The following TENM3 variants were observed in gnomAD, a reference collection of about 807,000 sequenced individuals.
TENM3 encodes teneurin transmembrane protein 3.
TENM3 carries 63 observed loss-of-function variants against 255.1 expected under a neutral mutation model. The observed-to-expected ratio is 0.25, with a 90% CI of 0.20 to 0.30. The LOEUF is 0.30. Ranked by LOEUF, TENM3 falls within the 10% of genes least tolerant of loss-of-function variation. TENM3 has a pLI of 1.00. For missense variants in TENM3, 2,929 were observed against 3,461.1 expected (o/e 0.85, Z 3.86); for synonymous variants, 1,306 against 1,322.3 (o/e 0.99, Z 0.27).
chr4:181,630,967 A>C, the TENM3 span, among the ~76,000 whole-genome samples: 1 of 152,110 alleles, frequency 6.6e-6, no homozygotes, highest in Non-Finnish European at 1.5e-5. Context: ...ATTGGCTTAC[A>C]GTTTTGTGAA....
At chr4:182,254,658 A>G (rs1447244872) in intron 1 of TENM3, among the ~76,000 whole-genome samples, 1 of 152,178 alleles carries the variant, frequency 6.6e-6, no homozygotes, top group African/African-American at 2.4e-5. Context: ...AAACCTAGTA[A>G]GCTGGAGGAA....
chr4:181,943,878 CA>C, the TENM3 span, among the ~76,000 whole-genome samples: 1 of 152,158 alleles, frequency 6.6e-6, no homozygotes, highest in African/African-American at 2.4e-5. Flanking sequence ...GGATAACAAT[CA>C]TAGTAACTCA....
intron 1 of TENM3, among the ~76,000 whole-genome samples, chr4:182,218,804 T>G (rs1337950701): frequency 6.6e-6 from 1 of 152,224 alleles, no homozygotes; most frequent in Non-Finnish European, 1.5e-5. Flanking sequence ...AAAAGAATCA[T>G]GAAAATTTGA....
At chr4:181,869,714 T>C in the TENM3 span, among the ~76,000 whole-genome samples, 5 of 152,126 alleles carry the variant, frequency 3.3e-5, no homozygotes, top group African/African-American at 4.8e-5. Context: ...TGGAGTGCAC[T>C]GAGAATTTGC....
the TENM3 span, among the ~76,000 whole-genome samples, chr4:181,931,566 A>G: frequency 6.6e-6 from 1 of 152,240 alleles, no homozygotes; most frequent in Non-Finnish European, 1.5e-5. Flanking sequence ...GGAAGAATCA[A>G]TATCATGAAA....
the TENM3 span, among the ~76,000 whole-genome samples, chr4:181,713,986 T>C: frequency 1.3e-5 from 2 of 152,146 alleles, no homozygotes; most frequent in Non-Finnish European, 2.9e-5. Flanking sequence ...GCTACCTGCT[T>C]CATGACCTGC....
intron 3 of TENM3, among the ~76,000 whole-genome samples, chr4:182,499,522 T>A (rs1276978829): frequency 6.6e-6 from 1 of 152,096 alleles, no homozygotes; most frequent in Non-Finnish European, 1.5e-5. Flanking sequence ...GCTGGCAGTA[T>A]AAAGACAAAG....
chr4:182,100,360 G>T, the TENM3 span, among the ~76,000 whole-genome samples: 3 of 150,782 alleles, frequency 2.0e-5, no homozygotes, highest in African/African-American at 7.3e-5. Context: ...CCAGCACTTT[G>T]TGAGGCCAAG....
At chr4:182,769,317 C>T (rs1200086911) in intron 22 of TENM3, among the ~76,000 whole-genome samples, 1 of 152,082 alleles carries the variant, frequency 6.6e-6, no homozygotes, top group East Asian at 1.9e-4. Flanking sequence ...CTTTCACTCC[C>T]TTAGTCAGAG....
intron 3 of TENM3, 58 bp downstream of exon 3, chr4:182,346,987 T>G: frequency 3.5e-5 from 36 of 1,019,764 alleles, no homozygotes; most frequent in East Asian, 1.2e-4. Context: ...CTGTTTTGGT[T>G]GACTCCGCGG....
At chr4:182,230,615 C>T (rs1051005554) in intron 1 of TENM3, among the ~76,000 whole-genome samples, 4 of 151,660 alleles carry the variant, frequency 2.6e-5, no homozygotes, top group Non-Finnish European at 4.4e-5. Context: ...TATTTATTCA[C>T]AGCTTTAACC....
the TENM3 span, among the ~76,000 whole-genome samples, chr4:182,061,627 T>C: frequency 6.6e-6 from 1 of 152,104 alleles, no homozygotes; most frequent in African/African-American, 2.4e-5. Flanking sequence ...CAGTGGGAAC[T>C]GCCTTACTTA....
At chr4:182,080,967 G>A in the TENM3 span, among the ~76,000 whole-genome samples, 2 of 151,974 alleles carry the variant, frequency 1.3e-5, no homozygotes, top group Admixed American at 6.6e-5. Context: ...CTCCAGCCTG[G>A]GTGACAGAGC....
intron 1 of TENM3, among the ~76,000 whole-genome samples, chr4:182,274,274 G>C (rs981218444): frequency 1.3e-5 from 2 of 152,168 alleles, no homozygotes; most frequent in African/African-American, 2.4e-5. Flanking sequence ...TTTTTATTTA[G>C]TGTCATAAAG....
At chr4:181,805,635 C>A in the TENM3 span, among the ~76,000 whole-genome samples, 2 of 151,304 alleles carry the variant, frequency 1.3e-5, no homozygotes, top group African/African-American at 4.9e-5. Context: ...TATCTCCCAA[C>A]AAATCTGTTC....
chr4:182,044,206 G>A, the TENM3 span, among the ~76,000 whole-genome samples: 1 of 151,950 alleles, frequency 6.6e-6, no homozygotes, highest in Non-Finnish European at 1.5e-5. Flanking sequence ...GGAGAAGAAC[G>A]ACATGCTTTC....
At chr4:182,239,997 TG>T (rs56674142), upstream of TENM3, among the ~76,000 whole-genome samples, 877 of 152,104 alleles carry the variant, frequency 5.8e-3, 17 homozygotes, top group African/African-American at 0.021. Context: ...TTAAAATGGC[TG>T]GGAAAAAAAC....
chr4:182,650,924 A>ATATATATATATATAT (rs1491428844), intron 5 of TENM3, among the ~76,000 whole-genome samples: 5 of 10,516 alleles, frequency 4.8e-4, no homozygotes, highest in South Asian at 3.4e-3. Flanking sequence ...ATATATATAT[A>ATATATATATATATAT]AAACAAAGCT....
intron 6 of TENM3, among the ~76,000 whole-genome samples, chr4:182,659,127 C>T (rs1158011223): frequency 6.6e-6 from 1 of 152,168 alleles, no homozygotes; most frequent in East Asian, 1.9e-4. Context: ...TGCACAAGGG[C>T]ACGTGGGATG....
Sources: allele counts gnomAD v4.1 joint callset (sites outside exome capture counted in the v4.1 genomes callset), GRCh38; gene constraint gnomAD v4.1.1; transcripts MANE v1.5; gene names NCBI Gene and HGNC (gene_info 2026-07-23, HGNC 2026-07-21).